Variants in EGFL8 observed in about 807,000 individuals in gnomAD.
EGFL8 encodes EGF like domain multiple 8.
EGFL8 carries 32 observed loss-of-function variants against 39.4 expected under a neutral mutation model. The observed-to-expected ratio is 0.81, with a 90% CI of 0.61 to 1.09. The LOEUF (loss-of-function observed/expected upper bound fraction) is 1.09. EGFL8 is among the 50% of genes least tolerant of loss of function. The pLI is 0.00. For synonymous variants in EGFL8, 177 were observed against 168.5 expected, an observed-to-expected ratio of 1.05 and a Z score of -0.39; for missense variants, 385 against 402.2, an observed-to-expected ratio of 0.96 and a Z score of 0.37.
rs1582647955 is a variant in EGFL8 at position 32,167,551 on chromosome 6, C to T, written c.730C>T (p.Pro244Ser). 6.2e-7 allele frequency: 1 copy of T among 1,609,314 alleles called. No individual in the cohort carries two copies. Among genetic ancestry groups the T allele is most frequent in the Non-Finnish European group, 8.5e-7 (1 of 1,179,826 alleles). ...GGTCAGAGCGGTGCTGCCCGTGCCG[C>T]CTGAAGAGCTGCAGCCAGAACAGGT... is the stretch of plus-strand genomic sequence containing the variant. ...AWVRAVLPVPPEELQPEQVAE... is the reference protein window; with the variant it reads ...AWVRAVLPVPSEELQPEQVAE... Residue 244 changes from proline to serine, a missense_variant, in exon 8 of 9, where the codon CCT becomes TCT. Physicochemically the swap from Pro to Ser is moderately conservative, Grantham distance 74. Transcript: ENST00000333845. This position sits in a 1 kb window ranked among gnomAD's most constrained non-coding sequence, Gnocchi z 6.4.
At position 32,168,173 on chromosome 6, in the gene EGFL8, T is replaced by A; in HGVS notation, c.*217T>A. ...GCAGGTTGCCTGGGCAAGAACTGCT[T>A]CTTCAATTCCTTAACAAATGCAACC... On this transcript the variant is annotated 3_prime_UTR_variant, in exon 9 of 9. Transcript: ENST00000333845. This position sits in a 1 kb window ranked among gnomAD's most constrained non-coding sequence, Gnocchi z 4.5. The A allele has an allele frequency of 4.2e-6, 2 of 477,200 alleles. No individual in the cohort carries two copies. The allele number at this position is 477,200 out of a possible 1,614,324, so 29.6% of individuals were successfully genotyped here.
Position 32,168,086 on chromosome 6 carries a change from A to G in EGFL8, c.*130A>G, listed in dbSNP as rs1784710038. 1.0e-6 allele frequency: 1 copy of G among 970,554 alleles called. No homozygotes were observed. Among genetic ancestry groups the G allele is most frequent in the Non-Finnish European group, 1.6e-6 (1 of 627,556 alleles). The allele number at this position is 970,554 out of a possible 1,614,324, so 60.1% of individuals were successfully genotyped here. A position where few individuals can be genotyped will look rare whatever the true frequency, so the allele number is the denominator to read the frequency against. On this transcript the variant is annotated 3_prime_UTR_variant, in exon 9 of 9. Coordinates refer to ENST00000333845, the MANE Select transcript of EGFL8 (RefSeq NM_030652.4). This position sits in a 1 kb window ranked among gnomAD's most constrained non-coding sequence, Gnocchi z 4.5. ...AAGAGCAATGAACAATGGAAACTTC[A>G]GAGAGCTGAAGAAAGGGGGAGGCCT...
chr6:32,165,807 A>AT, intron 1 of EGFL8: 1 of 390,836 alleles, frequency 2.6e-6, no homozygotes, highest in Non-Finnish European at 4.6e-6. Flanking sequence ...ACAAAAAAAA[A>AT]CCCAAAAAAA....
At position 32,166,355 on chromosome 6, in the gene EGFL8, G is replaced by C. The variant is rs1784481242; in HGVS notation, c.101+89G>C. ...GCTTCACAGGAGGCAAAACATAACT[G>C]TAAGTTTAGAATGGGGGTGAGAGGC... is the stretch of plus-strand genomic sequence containing the variant. On this transcript the variant is annotated intron_variant, in intron 2 of 8. Transcript: ENST00000333845. The surrounding 1 kb of genome is among the most constrained non-coding windows in gnomAD (Gnocchi z 7.3). 38 of 1,591,464 alleles carry C rather than the reference G, an allele frequency of 2.4e-5. No individual in the cohort carries two copies. The highest frequency in any genetic ancestry group is 3.0e-5 in the Non-Finnish European group (35 of 1,161,946).
Position 32,166,330 on chromosome 6 carries a change from G to T in EGFL8, c.101+64G>T. On this transcript the variant is annotated intron_variant, in intron 2 of 8. Coordinates refer to ENST00000333845, the MANE Select transcript of EGFL8 (RefSeq NM_030652.4). The surrounding 1 kb of genome is among the most constrained non-coding windows in gnomAD (Gnocchi z 7.3). ...TCAGGAGCCTTCTGCTGGGGGTGGG[G>T]CTTCACAGGAGGCAAAACATAACTG... 6.3e-7 allele frequency: 1 copy of T among 1,598,314 alleles called. No homozygotes were observed.
At chr6:32,165,942 G>A in intron 1 of EGFL8, 196 bp from the exon 2 acceptor site, 1 of 604,704 alleles carries the variant, frequency 1.7e-6, no homozygotes. Flanking sequence ...TTATGATGCT[G>A]AAAGGATCAT....
chr6:32,167,199 C>T lies in EGFL8; in HGVS notation c.543C>T (p.Arg181=). ...ACCTAGTGCTAGGCGTGGACGGGCGCACCTGCATGGAGGGGTCCCCAGAGC... is the reference window on the plus strand; with the variant it reads ...ACCTAGTGCTAGGCGTGGACGGGCGTACCTGCATGGAGGGGTCCCCAGAGC... ...PHDLVLGVDG[R]TCMEGSPEPP... Residue 181 remains arginine (R), a synonymous_variant, in exon 6 of 9, where the codon CGC becomes CGT. Coordinates refer to ENST00000333845, the MANE Select transcript of EGFL8 (RefSeq NM_030652.4). This position sits in a 1 kb window ranked among gnomAD's most constrained non-coding sequence, Gnocchi z 6.4. The T allele has an allele frequency of 6.2e-7, 1 of 1,612,970 alleles. No homozygotes were observed. Among genetic ancestry groups the T allele is most frequent in the Non-Finnish European group, 8.5e-7 (1 of 1,179,996 alleles).
rs1784578064 is a variant in EGFL8, at chr6:32,167,123, C to T, written c.467C>T (p.Ser156Leu). 5 of 1,613,082 alleles carry T rather than the reference C, an allele frequency of 3.1e-6. No homozygotes were observed. Among genetic ancestry groups the T allele is most frequent in the Admixed American group, 1.7e-5 (1 of 60,030 alleles). The change falls in exon 6 of 9, where the codon TCG becomes TTG. Residue 156 changes from serine (S) to leucine (L), a missense_variant. Transcript: ENST00000333845. This position sits in a 1 kb window ranked among gnomAD's most constrained non-coding sequence, Gnocchi z 6.4. ...DECRTSITLC[S>L]HHCFNTAGSF... ...TGTAGGACCAGCATCACCCTCTGCT[C>T]GCACCATTGTTTTAATACGGCAGGC...
In EGFL8 at chr6:32,166,050, G is replaced by A; in HGVS notation, c.-28-88G>A. 1 of 987,966 alleles carries A rather than the reference G, an allele frequency of 1.0e-6. No individual in the cohort carries two copies. Among genetic ancestry groups the A allele is most frequent in the South Asian group, 1.3e-5 (1 of 74,280 alleles). The allele number at this position is 987,966 out of a possible 1,614,324, so 61.2% of individuals were successfully genotyped here. A position where few individuals can be genotyped will look rare whatever the true frequency, so the allele number is the denominator to read the frequency against. On this transcript the variant is annotated intron_variant, in intron 1 of 8. Transcript: ENST00000333845. The surrounding 1 kb of genome is among the most constrained non-coding windows in gnomAD (Gnocchi z 7.3). The stretch of plus-strand genomic sequence containing the variant: ...GTGAATGTCCTGACTCCCTTAGAGG[G>A]TACCTGCAGAGTGCCCTTGGAGGGA...
At position 32,166,886 on chromosome 6, in the gene EGFL8, G is replaced by T. The variant is rs781644515; in HGVS notation, c.335-24G>T. On this transcript the variant is annotated intron_variant, in intron 4 of 8. Coordinates refer to ENST00000333845, the MANE Select transcript of EGFL8 (RefSeq NM_030652.4). The surrounding 1 kb of genome is among the most constrained non-coding windows in gnomAD (Gnocchi z 7.3). ...GGAGCTGGGTCGTCGGTTTGAGTCT[G>T]AACCCCACTTCCTCTGTCCTCAGCC... 2.5e-6 allele frequency: 4 copies of T among 1,599,608 alleles called. No homozygotes were observed. The highest frequency in any genetic ancestry group is 3.4e-6 in the Non-Finnish European group (4 of 1,171,298).
chr6:32,166,823 C>T lies in EGFL8; in HGVS notation c.334+13C>T. On this transcript the variant is annotated intron_variant, in intron 4 of 8. Transcript: ENST00000333845. This position sits in a 1 kb window ranked among gnomAD's most constrained non-coding sequence, Gnocchi z 7.3. Reference sequence around the variant, plus strand: ...CTCACCTGTGAAGGTGAGGCTGGGTCTTCCGGGCCTTGCGGGAGGCGCGCC... The same window carrying T: ...CTCACCTGTGAAGGTGAGGCTGGGTTTTCCGGGCCTTGCGGGAGGCGCGCC... 6.4e-7 allele frequency: 1 copy of T among 1,573,082 alleles called. No homozygotes were observed. The highest frequency in any genetic ancestry group is 8.6e-7 in the Non-Finnish European group (1 of 1,158,454).
chr6:32,166,571 A>G lies in EGFL8; in HGVS notation c.175A>G (p.Lys59Glu). Residue 59 changes from lysine (K) to glutamate (E), a missense_variant, in exon 3 of 9, where the codon AAG (lysine) becomes GAG (glutamate). By Grantham distance (56) the Lys-to-Glu change is moderately conservative. Coordinates refer to ENST00000333845, the MANE Select transcript of EGFL8 (RefSeq NM_030652.4). This position sits in a 1 kb window ranked among gnomAD's most constrained non-coding sequence, Gnocchi z 7.3. ...YNESYSQPVY[K>E]PYLTLCAGRR... is the part of the protein sequence containing the mutation. ...CGAGTCCTACAGCCAACCAGTGTAC[A>G]AGCCCTACCTGACCTTGTGCGCTGG... The G allele has an allele frequency of 6.2e-7, 1 of 1,614,166 alleles. No individual in the cohort carries two copies. The highest frequency in any genetic ancestry group is 8.5e-7 in the Non-Finnish European group (1 of 1,180,032).
chr6:32,167,954 T>A lies in EGFL8; in HGVS notation c.880T>A (p.Ter294LysextTer18). The A allele has an allele frequency of 1.2e-6, 2 of 1,614,190 alleles. No individual in the cohort carries two copies. The highest frequency in any genetic ancestry group is 1.7e-6 in the Non-Finnish European group (2 of 1,180,022). ...NSLGLGVNHR[*>K] ...CCTGGGCCTCGGCGTCAATCATCGA[T>A]AAGAAGCCTCTACAGCACCCCTGCC... Residue 294 changes from the stop codon to lysine (K), a stop_lost, in exon 9 of 9, where the codon TAA becomes AAA. Transcript: ENST00000333845. The surrounding 1 kb of genome is among the most constrained non-coding windows in gnomAD (Gnocchi z 6.4).
intron 1 of EGFL8, chr6:32,165,690 AGG>A (rs1404492144): frequency 4.9e-5 from 9 of 185,462 alleles, no homozygotes; most frequent in Non-Finnish European, 1.0e-4. Flanking sequence ...AGGCTGAGGC[AGG>A]AGAATCACTT....
chr6:32,166,933 A>G lies in EGFL8; in HGVS notation c.358A>G (p.Asn120Asp), dbSNP rs1400668223. The change falls in exon 5 of 9, where the codon AAC (asparagine) becomes GAC (aspartate). Residue 120 changes from asparagine (N) to aspartate (D), a missense_variant. By Grantham distance (23) the Asn-to-Asp change is conservative. Transcript: ENST00000333845. The surrounding 1 kb of genome is among the most constrained non-coding windows in gnomAD (Gnocchi z 7.3). ...AGCCATCTGCGCCAAGCCTTGCCTGAACGGAGGCGTCTGCGTTAGGCCTGA... is the reference window on the plus strand; with the variant it reads ...AGCCATCTGCGCCAAGCCTTGCCTGGACGGAGGCGTCTGCGTTAGGCCTGA... ...CEAICAKPCL[N>D]GGVCVRPDQC... 6.2e-7 allele frequency: 1 copy of G among 1,612,634 alleles called. No homozygotes were observed. The highest frequency in any genetic ancestry group is 1.7e-5 in the Admixed American group (1 of 59,978).
chr6:32,166,015 G>A lies in EGFL8; in HGVS notation c.-28-123G>A. 1 of 720,648 alleles carries A rather than the reference G, an allele frequency of 1.4e-6. No individual in the cohort carries two copies. Among genetic ancestry groups the A allele is most frequent in the East Asian group, 2.7e-5 (1 of 37,160 alleles). 44.6% of individuals were successfully genotyped at this position (720,648 alleles called of 1,614,324 possible). ...CAGGTGTAGGCAATCCTGGTGGCTAGTATGTAAAAGTGAATGTCCTGACTC... is the reference window on the plus strand; with the variant it reads ...CAGGTGTAGGCAATCCTGGTGGCTAATATGTAAAAGTGAATGTCCTGACTC... On this transcript the variant is annotated intron_variant, in intron 1 of 8. Transcript: ENST00000333845. The surrounding 1 kb of genome is among the most constrained non-coding windows in gnomAD (Gnocchi z 7.3).
chr6:32,166,396 G>T lies in EGFL8; in HGVS notation c.102-102G>T, dbSNP rs1784484393. 6.3e-7 allele frequency: 1 copy of T among 1,598,874 alleles called. No homozygotes were observed. Among genetic ancestry groups the T allele is most frequent in the African/African-American group, 1.3e-5 (1 of 74,586 alleles). On this transcript the variant is annotated intron_variant, in intron 2 of 8. Transcript: ENST00000333845. This position sits in a 1 kb window ranked among gnomAD's most constrained non-coding sequence, Gnocchi z 7.3. The stretch of plus-strand genomic sequence containing the variant: ...GGTGAGAGGCTGTCATCTGGAGGGA[G>T]AGCGGGGGGCCTCAGTAGCCTCTTG...
At position 32,167,819 on chromosome 6, in the gene EGFL8, C is replaced by A. The variant is rs1349475857; in HGVS notation, c.836-91C>A. The A allele has an allele frequency of 1.9e-6, 3 of 1,544,914 alleles. No individual in the cohort carries two copies. The highest frequency in any genetic ancestry group is 1.7e-5 in the Admixed American group (1 of 58,056). ...TTCTCTTCTGAAATCCTGTCCCCAG[C>A]CCAACAGTTTCACTTATTGTTTGGT... On this transcript the variant is annotated intron_variant, in intron 8 of 8. Transcript: ENST00000333845. This position sits in a 1 kb window ranked among gnomAD's most constrained non-coding sequence, Gnocchi z 6.4.
chr6:32,166,947 C>A lies in EGFL8; in HGVS notation c.372C>A (p.Cys124Ter). 1 of 1,613,226 alleles carries A rather than the reference C, an allele frequency of 6.2e-7. No individual in the cohort carries two copies. Among genetic ancestry groups the A allele is most frequent in the African/African-American group, 1.3e-5 (1 of 75,056 alleles). The change falls in exon 5 of 9, where the codon TGC becomes TGA. Residue 124 changes from cysteine (C) to a stop codon, truncating the protein, a stop_gained. Transcript: ENST00000333845. LOFTEE classifies it high-confidence loss of function. The surrounding 1 kb of genome is among the most constrained non-coding windows in gnomAD (Gnocchi z 7.3). ...CAKPCLNGGV[C>*]VRPDQCECAP... Reference sequence around the variant, plus strand: ...AGCCTTGCCTGAACGGAGGCGTCTGCGTTAGGCCTGACCAGTGCGAGTGCG... The same window carrying A: ...AGCCTTGCCTGAACGGAGGCGTCTGAGTTAGGCCTGACCAGTGCGAGTGCG...
Sources: allele counts gnomAD v4.1 joint callset, GRCh38; gene constraint gnomAD v4.1.1; non-coding constraint Gnocchi (gnomAD v3.1); transcripts MANE v1.5; gene names NCBI Gene and HGNC (gene_info 2026-07-23, HGNC 2026-07-21).